The following CEP164 variants were observed in gnomAD, a reference collection of about 807,000 sequenced individuals.
The protein encoded by CEP164 is centrosomal protein 164, also known as centrosomal protein of 164 kDa.
Under a neutral mutation model 182.7 loss-of-function variants are expected in CEP164, and 162 were observed. That is an observed-to-expected ratio of 0.89 (90% confidence interval 0.78 to 1.01). CEP164 has a LOEUF of 1.01. Among genes scored for constraint, CEP164 ranks in the 50% least tolerant of loss-of-function variants. The pLI, the probability that CEP164 is intolerant of heterozygous loss-of-function variation, is 0.00. For missense variants in CEP164, 1,735 were observed against 1,790.4 expected (o/e 0.97, Z 0.56); for synonymous variants, 661 against 690.0 (o/e 0.96, Z 0.66).
rs1292742094 is a variant in CEP164 at position 117,371,086 on chromosome 11, C to T, written c.772C>T (p.Leu258=). The T allele has an allele frequency of 1.7e-5, 27 of 1,591,726 alleles. No individual in the cohort carries two copies. The highest frequency in any genetic ancestry group is 2.3e-5 in the Non-Finnish European group (27 of 1,167,242). Residue 258 remains leucine (L), a synonymous_variant, in exon 9 of 33, where the codon CTG becomes TTG. Transcript: ENST00000278935. ...LGGDFEYEES[L]RTSQPEEKKD... is the part of the protein sequence containing the mutation. ...ATGGTCTGTTGCTCCCTAGGAGTCT[C>T]TGAGAACAAGCCAGCCAGAGGAGAA...
In CEP164 at chr11:117,363,531, A is replaced by G. The variant is rs1238710226; in HGVS notation, c.765+25A>G. 4 of 1,539,738 alleles carry G rather than the reference A, an allele frequency of 2.6e-6. No homozygotes were observed. In the African/African-American group the frequency reaches 4.1e-5, roughly 16 times the overall value. On this transcript the variant is annotated intron_variant, in intron 8 of 32. Transcript: ENST00000278935. ...GGTAAGAGCCCTAATCCCTACAGGC[A>G]CATGTGTCAGCCTGGCATATCCCTC...
At chr11:117,404,160 C>T (rs2046431900) in intron 27 of CEP164, among the ~76,000 whole-genome samples, 1 of 152,084 alleles carries the variant, frequency 6.6e-6, no homozygotes, top group Admixed American at 6.6e-5. Context: ...TCTGTCAGTT[C>T]GTCAAACTCA....
intron 1 of CEP164, among the ~76,000 whole-genome samples, chr11:117,330,542 G>A (rs950911957): frequency 5.3e-5 from 8 of 152,164 alleles, no homozygotes; most frequent in East Asian, 1.9e-4. Flanking sequence ...CTAGCTACTC[G>A]TGAGGCTGAG....
chr11:117,378,959 C>T (rs2043030164), intron 11 of CEP164, among the ~76,000 whole-genome samples: 1 of 152,142 alleles, frequency 6.6e-6, no homozygotes. Context: ...TACTATCACC[C>T]CCACTTCATT....
Position 117,391,158 on chromosome 11 carries a change from T to C in CEP164, c.2226T>C (p.Ala742=). Residue 742 remains alanine, a synonymous_variant, in exon 17 of 33, where the codon GCT becomes GCC. Transcript: ENST00000278935. ...AGAGCGAGCAGGCTGCCCTGAATGC[T>C]GCAAAGGAGAAGGCTCTGCAGCAGC... ...SEKSEQAALN[A]AKEKALQQLR... 1 of 1,613,446 alleles carries C rather than the reference T, an allele frequency of 6.2e-7. No individual in the cohort carries two copies. The highest frequency in any genetic ancestry group is 8.5e-7 in the Non-Finnish European group (1 of 1,179,908).
intron 8 of CEP164, among the ~76,000 whole-genome samples, chr11:117,365,490 C>T (rs1382078171): frequency 1.3e-5 from 2 of 152,124 alleles, no homozygotes; most frequent in African/African-American, 4.8e-5. Context: ...TTTACTTTGA[C>T]CTTGGGCTTG....
rs1354068792 is a variant in CEP164 at position 117,362,408 on chromosome 11, C to T, written c.557C>T (p.Ser186Leu). Residue 186 changes from serine to leucine, a missense_variant, in exon 7 of 33, where the codon TCA (serine) becomes TTA (leucine). Ser to Leu is a moderately radical substitution (Grantham distance 145, BLOSUM62 -2). Coordinates refer to ENST00000278935, the MANE Select transcript of CEP164 (RefSeq NM_014956.5). ...GRQLGELMLP[S>L]QGLKTSAYTK... ...CTGTCCTTCTCTATTTTGAAGCCTT[C>T]ACAGGGTCTCAAGACCTCTGCTTAT... The T allele has an allele frequency of 2.5e-6, 4 of 1,612,140 alleles. No individual in the cohort carries two copies. The highest frequency in any genetic ancestry group is 2.2e-5 in the East Asian group (1 of 44,830).
At position 117,411,943 on chromosome 11, in the gene CEP164, T is replaced by C; in HGVS notation, c.4286+26T>C. ...GTATCCTTTTACCTGGTTCCCAAAC[T>C]GGGCTGGGCTGTGGGGACTGTGCTT... is the stretch of plus-strand genomic sequence containing the variant. On this transcript the variant is annotated intron_variant, in intron 32 of 32. Coordinates refer to ENST00000278935, the MANE Select transcript of CEP164 (RefSeq NM_014956.5). This position sits in a 1 kb window ranked among gnomAD's most constrained non-coding sequence, Gnocchi z 4.4. 1 of 1,613,440 alleles carries C rather than the reference T, an allele frequency of 6.2e-7. No individual in the cohort carries two copies. Among genetic ancestry groups the C allele is most frequent in the East Asian group, 2.2e-5 (1 of 44,890 alleles).
At chr11:117,401,937 G>A (rs963367836) in intron 27 of CEP164, among the ~76,000 whole-genome samples, 5 of 151,996 alleles carry the variant, frequency 3.3e-5, no homozygotes, top group African/African-American at 1.2e-4. Context: ...TGGATTGATT[G>A]ATTTTTTTAA....
At position 117,394,626 on chromosome 11, in the gene CEP164, T is replaced by G. The variant is rs1030730906; in HGVS notation, c.2760+133T>G. 3.5e-5 allele frequency: 43 copies of G among 1,242,294 alleles called. No homozygotes were observed. Among genetic ancestry groups the G allele is most frequent in the Non-Finnish European group, 4.1e-5 (37 of 903,810 alleles). The allele number at this position is 1,242,294 out of a possible 1,614,324, so 77.0% of individuals were successfully genotyped here. On this transcript the variant is annotated intron_variant, in intron 21 of 32. Coordinates refer to ENST00000278935, the MANE Select transcript of CEP164 (RefSeq NM_014956.5). The surrounding 1 kb of genome is among the most constrained non-coding windows in gnomAD (Gnocchi z 4.0). ...GAGTGAGAGTCTCTCACTGGCCATCTCCAAGCTGGGGCATCCTTGTTACTT... is the reference window on the plus strand; with the variant it reads ...GAGTGAGAGTCTCTCACTGGCCATCGCCAAGCTGGGGCATCCTTGTTACTT...
chr11:117,367,564 G>A (rs555695946), intron 8 of CEP164, among the ~76,000 whole-genome samples: 1 of 152,266 alleles, frequency 6.6e-6, no homozygotes, highest in South Asian at 2.1e-4. Context: ...TAGGGTACAT[G>A]TGCACAACGT....
At position 117,412,543 on chromosome 11, in the gene CEP164, G is replaced by A. The variant is rs1434522012; in HGVS notation, c.*375G>A. ...TCCTTGGCCCTGCAGCGCACTGCTC[G>A]GGGCTCCCAAGGAGGTTGTGTGTAT... On this transcript the variant is annotated 3_prime_UTR_variant, in exon 33 of 33. Transcript: ENST00000278935. 1.0e-5 allele frequency: 2 copies of A among 198,960 alleles called. No homozygotes were observed. Among genetic ancestry groups the A allele is most frequent in the Admixed American group, 5.3e-5 (1 of 18,970 alleles). The allele number at this position is 198,960 out of a possible 1,614,324, so 12.3% of individuals were successfully genotyped here. A position where few individuals can be genotyped will look rare whatever the true frequency, so the allele number is the denominator to read the frequency against.
At chr11:117,395,960 G>A (rs2045384950) in intron 24 of CEP164, 94 bp from the exon 25 acceptor site, 5 of 1,535,934 alleles carry the variant, frequency 3.3e-6, no homozygotes, top group Non-Finnish European at 4.4e-6. Context: ...TTTGACGGAT[G>A]GGAGTGAGGG....
intron 8 of CEP164, 102 bp from the exon 9 acceptor site, chr11:117,370,978 C>T (rs1010057557): frequency 3.2e-6 from 4 of 1,250,000 alleles, no homozygotes; most frequent in Non-Finnish European, 4.4e-6. Context: ...CAGGCACTGG[C>T]CTGTGGGAGT....
intron 5 of CEP164, among the ~76,000 whole-genome samples, chr11:117,358,861 A>G (rs890482830): frequency 3.3e-5 from 5 of 151,730 alleles, no homozygotes; most frequent in Non-Finnish European, 7.4e-5. Context: ...CCACAGCCAG[A>G]GCTGGTATAA....
At chr11:117,340,497 T>C (rs2037939735) in intron 3 of CEP164, among the ~76,000 whole-genome samples, 1 of 152,208 alleles carries the variant, frequency 6.6e-6, no homozygotes, top group South Asian at 2.1e-4. Flanking sequence ...TCATGTTAAA[T>C]GCTGGACTTT....
chr11:117,386,947 G>GT, intron 14 of CEP164: 1 of 467,468 alleles, frequency 2.1e-6, no homozygotes, highest in South Asian at 2.9e-5. Flanking sequence ...CCATAACCTC[G>GT]TAAGTCTGCT....
chr11:117,375,756 G>A lies in CEP164; in HGVS notation c.1282G>A (p.Val428Met). The part of the protein sequence containing the change: ...RISEHLLDVD[V>M]LSPVLGGACR... Reference sequence around the variant, plus strand: ...CTCGGAGCACCTGCTGGATGTTGATGTGCTTTCCCCAGTCCTGGGTGGAGC... The same window carrying A: ...CTCGGAGCACCTGCTGGATGTTGATATGCTTTCCCCAGTCCTGGGTGGAGC... The change falls in exon 11 of 33, where the codon GTG becomes ATG. Residue 428 changes from valine to methionine, a missense_variant. Physicochemically the swap from Val to Met is conservative, Grantham distance 21. Coordinates refer to ENST00000278935, the MANE Select transcript of CEP164 (RefSeq NM_014956.5). 1.2e-6 allele frequency: 2 copies of A among 1,614,118 alleles called. No homozygotes were observed. Among genetic ancestry groups the A allele is most frequent in the Non-Finnish European group, 1.7e-6 (2 of 1,180,012 alleles).
chr11:117,405,385 G>A (rs1257156689), intron 27 of CEP164, among the ~76,000 whole-genome samples: 2 of 152,160 alleles, frequency 1.3e-5, no homozygotes, highest in Admixed American at 1.3e-4. Context: ...AGTCCCTCGT[G>A]TCTTCCCTTG....
Sources: gnomAD v4.1 joint callset for allele counts (sites outside exome capture counted in the v4.1 genomes callset) on GRCh38, gnomAD v4.1.1 for gene constraint, Gnocchi (gnomAD v3.1) non-coding constraint, MANE v1.5 for transcripts, NCBI Gene and HGNC (gene_info 2026-07-23, HGNC 2026-07-21) for gene names.